DYM: variants seen among roughly 807,000 people sequenced by gnomAD.
The protein encoded by DYM is dymeclin.
DYM carries 78 observed loss-of-function variants against 93.1 expected under a neutral mutation model. The observed-to-expected ratio is 0.84, with a 90% CI of 0.70 to 1.01. The LOEUF is 1.01. DYM is among the 50% of genes least tolerant of loss of function. The pLI is 0.00. For missense variants in DYM, 789 were observed against 845.0 expected, an observed-to-expected ratio of 0.93 and a Z score of 0.82; for synonymous variants, 321 against 319.7, an observed-to-expected ratio of 1.00 and a Z score of -0.04.
chr18:49,398,468 T>C (rs989225132), intron 2 of DYM, among the ~76,000 whole-genome samples: 1 of 152,152 alleles, frequency 6.6e-6, no homozygotes, highest in Non-Finnish European at 1.5e-5. Context: ...AGACAGGCTT[T>C]CCATTTGGCT....
chr18:49,256,161 T>A (rs1357280048), intron 13 of DYM, among the ~76,000 whole-genome samples: 1 of 151,250 alleles, frequency 6.6e-6, no homozygotes, highest in Admixed American at 6.6e-5. Context: ...GACAGAATAA[T>A]GGCTCCCTCA....
intron 17 of DYM, among the ~76,000 whole-genome samples, chr18:49,080,917 A>C (rs1278538644): frequency 3.4e-5 from 5 of 146,730 alleles, no homozygotes; most frequent in African/African-American, 5.2e-5. Context: ...GCGGCCGAGC[A>C]GAGACGCTCC....
intron 8 of DYM, among the ~76,000 whole-genome samples, chr18:49,308,288 G>GTATATATATATATA (rs1340030482): frequency 1.8e-4 from 19 of 105,906 alleles, no homozygotes; most frequent in African/African-American, 5.8e-4. Context: ...ACACTTGTGT[G>GTATATATATATATA]TGTATATATA....
At chr18:49,334,885 C>A (rs1170274740) in intron 6 of DYM, among the ~76,000 whole-genome samples, 1 of 152,196 alleles carries the variant, frequency 6.6e-6, no homozygotes, top group Admixed American at 6.5e-5. Context: ...GCGGGTGGAT[C>A]ACCTGAGGTC....
chr18:49,092,225 A>T (rs1201540181), intron 17 of DYM, among the ~76,000 whole-genome samples: 3 of 152,202 alleles, frequency 2.0e-5, no homozygotes, highest in Admixed American at 6.5e-5. Context: ...GAAATAGGGG[A>T]GTCCTATTGT....
At chr18:49,430,505 A>G (rs1041358177) in intron 1 of DYM, 58 bp from the exon 2 acceptor site, 37 of 1,307,580 alleles carry the variant, frequency 2.8e-5, no homozygotes, top group Middle Eastern at 2.6e-4. Context: ...TGCTTTGTCT[A>G]CCTATAAAAA....
intron 8 of DYM, among the ~76,000 whole-genome samples, chr18:49,294,714 G>T (rs1261478484): frequency 6.6e-6 from 1 of 151,980 alleles, no homozygotes; most frequent in African/African-American, 2.4e-5. Flanking sequence ...TATTAAACAT[G>T]CTACTTGCTA....
At chr18:49,324,805 T>C (rs1269327704) in intron 8 of DYM, among the ~76,000 whole-genome samples, 1 of 152,224 alleles carries the variant, frequency 6.6e-6, no homozygotes, top group African/African-American at 2.4e-5. Flanking sequence ...AAAACAGTTA[T>C]TTACATGGGA....
At chr18:49,241,244 A>G (rs1429168680) in intron 13 of DYM, among the ~76,000 whole-genome samples, 1 of 152,238 alleles carries the variant, frequency 6.6e-6, no homozygotes, top group Admixed American at 6.5e-5. Flanking sequence ...GAGTGCAGGT[A>G]TAAGGTAGAT....
At chr18:49,402,419 G>T (rs1236568796) in intron 2 of DYM, among the ~76,000 whole-genome samples, 1 of 152,076 alleles carries the variant, frequency 6.6e-6, no homozygotes, top group Admixed American at 6.6e-5. Flanking sequence ...GATTTTTAGG[G>T]GGGAAGAAAA....
At chr18:49,385,392 G>T (rs1252894719) in intron 3 of DYM, among the ~76,000 whole-genome samples, 1 of 152,172 alleles carries the variant, frequency 6.6e-6, no homozygotes, top group African/African-American at 2.4e-5. Flanking sequence ...TATTTACTGT[G>T]AAGTATTTAA....
chr18:49,302,202 T>A (rs1056484761), intron 8 of DYM, among the ~76,000 whole-genome samples: 3 of 152,182 alleles, frequency 2.0e-5, no homozygotes, highest in East Asian at 3.8e-4. Context: ...TGCTCTTCTA[T>A]CCATTACCAA....
At chr18:49,456,798 A>T (rs1241027445) in intron 1 of DYM, among the ~76,000 whole-genome samples, 2 of 152,198 alleles carry the variant, frequency 1.3e-5, no homozygotes, top group African/African-American at 4.8e-5. Flanking sequence ...CAAAGCATAA[A>T]GCTCTGCTAA....
intron 9 of DYM, among the ~76,000 whole-genome samples, chr18:49,283,678 G>A (rs1388284697): frequency 1.3e-5 from 2 of 152,120 alleles, no homozygotes; most frequent in Non-Finnish European, 1.5e-5. Context: ...ATATTTTTAC[G>A]TTCTAAAAAG....
chr18:49,072,414 AT>A (rs1165359222), intron 17 of DYM, among the ~76,000 whole-genome samples: 1 of 152,178 alleles, frequency 6.6e-6, no homozygotes, highest in Non-Finnish European at 1.5e-5. Flanking sequence ...AAGGGATGGG[AT>A]TTGATATCTA....
At chr18:49,288,553 T>G (rs908044595) in intron 8 of DYM, among the ~76,000 whole-genome samples, 2 of 152,158 alleles carry the variant, frequency 1.3e-5, no homozygotes, top group Non-Finnish European at 2.9e-5. Context: ...CTAAGGCAGA[T>G]GGATCAACTG....
chr18:49,267,680 G>A (rs1425320857), intron 11 of DYM, among the ~76,000 whole-genome samples: 1 of 152,150 alleles, frequency 6.6e-6, no homozygotes, highest in Admixed American at 6.5e-5. Context: ...GATCACTCGA[G>A]GTCAGGAGTT....
At chr18:49,053,731 T>A (rs1284635343) in intron 17 of DYM, among the ~76,000 whole-genome samples, 2 of 152,196 alleles carry the variant, frequency 1.3e-5, no homozygotes, top group Non-Finnish European at 2.9e-5. Context: ...ATTTGGGGAT[T>A]ACGTAGCCTC....
intron 14 of DYM, among the ~76,000 whole-genome samples, chr18:49,199,607 A>G (rs2091836088): frequency 6.6e-6 from 1 of 152,252 alleles, no homozygotes; most frequent in South Asian, 2.1e-4. Flanking sequence ...ATGCCACAGA[A>G]GTGGCACAGA....
Sources: allele counts gnomAD v4.1 joint callset (sites outside exome capture counted in the v4.1 genomes callset), GRCh38; gene constraint gnomAD v4.1.1; transcripts MANE v1.5; gene names NCBI Gene and HGNC (gene_info 2026-07-23, HGNC 2026-07-21).